Variants in PTPRR observed in about 807,000 individuals in gnomAD.
PTPRR encodes the protein protein tyrosine phosphatase receptor type R.
In PTPRR, 38 loss-of-function variants were observed where a neutral mutation model predicts 77.2. That is an observed-to-expected ratio of 0.49 (90% CI 0.38 to 0.65). The LOEUF (loss-of-function observed/expected upper bound fraction) is 0.65. PTPRR is among the 30% of genes least tolerant of loss of function. The pLI is 0.00. For synonymous variants in PTPRR, 299 were observed against 283.1 expected, an observed-to-expected ratio of 1.06 and a Z score of -0.57; for missense variants, 744 against 799.2, an observed-to-expected ratio of 0.93 and a Z score of 0.83.
intron 4 of PTPRR, among the ~76,000 whole-genome samples, chr12:70,757,287 A>G (rs1890585354): frequency 6.6e-6 from 1 of 152,242 alleles, no homozygotes; most frequent in Non-Finnish European, 1.5e-5. Context: ...CCTTTGAAAT[A>G]TAAGATTTGG....
At chr12:70,819,763 T>C (rs538757361) in intron 2 of PTPRR, among the ~76,000 whole-genome samples, 2 of 152,224 alleles carry the variant, frequency 1.3e-5, no homozygotes, top group Non-Finnish European at 2.9e-5. Context: ...AGAATACACA[T>C]TGCCTCTTTA....
chr12:70,825,210 G>A (rs1050450863), intron 2 of PTPRR, among the ~76,000 whole-genome samples: 2 of 152,060 alleles, frequency 1.3e-5, no homozygotes, highest in Non-Finnish European at 2.9e-5. Context: ...CCCAGGAGGT[G>A]GAGGTTGCAG....
At chr12:70,823,140 C>T (rs182707631) in intron 2 of PTPRR, among the ~76,000 whole-genome samples, 238 of 151,342 alleles carry the variant, frequency 1.6e-3, no homozygotes, top group Non-Finnish European at 2.8e-3. Flanking sequence ...CACACACACA[C>T]ACACACACAC....
intron 6 of PTPRR, among the ~76,000 whole-genome samples, chr12:70,722,278 C>T (rs1419845854): frequency 6.6e-6 from 1 of 152,100 alleles, no homozygotes; most frequent in Non-Finnish European, 1.5e-5. Flanking sequence ...AACATACCTG[C>T]CCTTTTTAGG....
intron 2 of PTPRR, among the ~76,000 whole-genome samples, chr12:70,848,857 G>C (rs1246386253): frequency 6.6e-6 from 1 of 152,172 alleles, no homozygotes; most frequent in Non-Finnish European, 1.5e-5. Flanking sequence ...TACTTTCTGT[G>C]TAGTATCACT....
chr12:70,860,176 A>G (rs1011250111), intron 2 of PTPRR, among the ~76,000 whole-genome samples: 4 of 152,144 alleles, frequency 2.6e-5, no homozygotes, highest in African/African-American at 9.7e-5. Flanking sequence ...AAGGCAGCAT[A>G]TCATTTTGTG....
intron 2 of PTPRR, among the ~76,000 whole-genome samples, chr12:70,865,431 A>G (rs1056294459): frequency 2.0e-5 from 3 of 152,164 alleles, no homozygotes; most frequent in Non-Finnish European, 4.4e-5. Context: ...CTTCCAAATG[A>G]CAGAGGACAG....
intron 2 of PTPRR, among the ~76,000 whole-genome samples, chr12:70,830,979 A>C (rs1355101890): frequency 6.6e-6 from 1 of 152,208 alleles, no homozygotes; most frequent in Non-Finnish European, 1.5e-5. Context: ...GATAATAGCC[A>C]ATATATGTGC....
chr12:70,662,795 AATTAT>A (rs1264780152), intron 10 of PTPRR, among the ~76,000 whole-genome samples, 190 bp from the exon 11 acceptor site: 1 of 152,132 alleles, frequency 6.6e-6, no homozygotes, highest in African/African-American at 2.4e-5. Flanking sequence ...ATGGTATATA[AATTAT>A]ATCTCAACAG....
intron 8 of PTPRR, 144 bp from the exon 9 acceptor site, chr12:70,684,927 G>GTC: frequency 5.5e-6 from 3 of 541,268 alleles, no homozygotes; most frequent in Non-Finnish European, 9.7e-6. Context: ...TCCATTGCTT[G>GTC]ATCCATATGT....
At chr12:70,817,292 T>C (rs1360466560) in intron 2 of PTPRR, among the ~76,000 whole-genome samples, 1 of 152,180 alleles carries the variant, frequency 6.6e-6, no homozygotes, top group Non-Finnish European at 1.5e-5. Flanking sequence ...ATTTGCAGAC[T>C]TTTTCCTTTT....
At chr12:70,652,074 G>T (rs1353765098) in intron 13 of PTPRR, among the ~76,000 whole-genome samples, 1 of 152,152 alleles carries the variant, frequency 6.6e-6, no homozygotes, top group Non-Finnish European at 1.5e-5. Flanking sequence ...CAGAGCTGAA[G>T]GTAAGGATAG....
At chr12:70,688,231 G>A (rs1284523319) in intron 8 of PTPRR, among the ~76,000 whole-genome samples, 1 of 152,030 alleles carries the variant, frequency 6.6e-6, no homozygotes, top group Non-Finnish European at 1.5e-5. Context: ...TAGACACAGG[G>A]GATTGCATCA....
chr12:70,794,342 A>G (rs1891472710), intron 2 of PTPRR, among the ~76,000 whole-genome samples: 1 of 152,222 alleles, frequency 6.6e-6, no homozygotes, highest in Non-Finnish European at 1.5e-5. Context: ...ATGAGCTAGA[A>G]ATAGTGATGT....
At chr12:70,672,980 G>C (rs1000973302) in intron 10 of PTPRR, 66 of 1,373,632 alleles carry the variant, frequency 4.8e-5, no homozygotes, top group Non-Finnish European at 6.1e-5. Flanking sequence ...TCCTCTTCTA[G>C]GTAGAAGGGA....
intron 2 of PTPRR, among the ~76,000 whole-genome samples, chr12:70,815,367 G>T (rs368474488): frequency 1.3e-5 from 2 of 151,570 alleles, no homozygotes; most frequent in Admixed American, 6.6e-5. Context: ...ATAAATTGGT[G>T]GGGGGGAGTT....
At chr12:70,837,272 G>T (rs1187648463) in intron 2 of PTPRR, among the ~76,000 whole-genome samples, 1 of 152,092 alleles carries the variant, frequency 6.6e-6, no homozygotes, top group Non-Finnish European at 1.5e-5. Flanking sequence ...TCAGTGAAAT[G>T]AAAGATGCTG....
chr12:70,721,978 G>A (rs1225232757), intron 6 of PTPRR, among the ~76,000 whole-genome samples: 1 of 152,158 alleles, frequency 6.6e-6, no homozygotes, highest in Admixed American at 6.5e-5. Context: ...GGCATGGGAA[G>A]TATTGTATTA....
intron 2 of PTPRR, among the ~76,000 whole-genome samples, chr12:70,862,605 G>C (rs1175373701): frequency 8.8e-6 from 1 of 113,280 alleles, no homozygotes; most frequent in Admixed American, 1.1e-4. Flanking sequence ...TGGGGGGAGG[G>C]GGGAGGGATA....
Sources: gnomAD v4.1 joint callset for allele counts (sites outside exome capture counted in the v4.1 genomes callset) on GRCh38, gnomAD v4.1.1 for gene constraint, MANE v1.5 for transcripts, NCBI Gene and HGNC (gene_info 2026-07-23, HGNC 2026-07-21) for gene names.